OSBPL5: variants seen among roughly 807,000 people sequenced by gnomAD.
The protein encoded by OSBPL5 is oxysterol-binding protein-related protein 5.
Under a neutral mutation model 111.2 loss-of-function variants are expected in OSBPL5, and 71 were observed. The observed-to-expected ratio is 0.64, with a 90% CI of 0.53 to 0.78. The LOEUF (loss-of-function observed/expected upper bound fraction) is 0.78. Among genes scored for constraint, OSBPL5 ranks in the 30% least tolerant of loss-of-function variants. The pLI is 0.00. For missense variants in OSBPL5, 1,210 were observed against 1,189.3 expected (o/e 1.02, Z -0.26); for synonymous variants, 549 against 513.9 (o/e 1.07, Z -0.93).
At chr11:3,120,670 A>G (rs1402662187) in intron 5 of OSBPL5, 46 bp from the exon 6 acceptor site, 10 of 1,596,028 alleles carry the variant, frequency 6.3e-6, no homozygotes, top group East Asian at 2.2e-5. Flanking sequence ...TGGGGCCGCC[A>G]TCCCTGGGGC....
At chr11:3,111,039 C>A (rs1037122073) in intron 7 of OSBPL5, among the ~76,000 whole-genome samples, 5 of 152,072 alleles carry the variant, frequency 3.3e-5, no homozygotes, top group Admixed American at 3.3e-4. Flanking sequence ...GGAGATGCCC[C>A]TGACTTTTCA....
chr11:3,096,989 G>A (rs1271389632), intron 14 of OSBPL5, among the ~76,000 whole-genome samples: 133 of 107,224 alleles, frequency 1.2e-3, no homozygotes, highest in East Asian at 3.6e-3. Context: ...AAGGTGGGAG[G>A]AGGAGAAGAG....
In OSBPL5 at chr11:3,107,255, G is replaced by C. The variant is rs1857731895; in HGVS notation, c.1059+8C>G. On this transcript the variant is annotated splice_region_variant and intron_variant, in intron 9 of 21. Coordinates refer to ENST00000263650, the MANE Select transcript of OSBPL5 (RefSeq NM_020896.4). The surrounding 1 kb of genome is among the most constrained non-coding windows in gnomAD (Gnocchi z 6.1). ...GACGCTTGGGGCTCCTGGCTGGGGGGCTCTCACCTCCCCCAGCTCCTCCTG... is the reference window on the plus strand; with the variant it reads ...GACGCTTGGGGCTCCTGGCTGGGGGCCTCTCACCTCCCCCAGCTCCTCCTG... 1 of 1,609,886 alleles carries C rather than the reference G, an allele frequency of 6.2e-7. No individual in the cohort carries two copies. The highest frequency in any genetic ancestry group is 2.2e-5 in the East Asian group (1 of 44,790).
intron 14 of OSBPL5, 143 bp from the exon 15 acceptor site, chr11:3,094,477 A>C (rs1857182874): frequency 3.2e-6 from 2 of 627,966 alleles, no homozygotes; most frequent in Non-Finnish European, 5.5e-6. Flanking sequence ...AGTCCCTGGG[A>C]GGGTGAGAAG....
In OSBPL5 at chr11:3,148,510, A is replaced by G. The variant is rs141625300; in HGVS notation, c.-22+16706T>C. ...GAGAGAGGAACGGAGGTGAGTGCGG[A>G]GTCTCTTTCCAGCGGCTGTCCAGGT... On this transcript the variant is annotated intron_variant, in intron 1 of 21. Coordinates refer to ENST00000263650, the MANE Select transcript of OSBPL5 (RefSeq NM_020896.4). Among the ~76,000 whole-genome samples the G allele has an allele frequency of 1.5e-3, 231 of 152,350 alleles. 1 individual carries two copies. The highest frequency in any genetic ancestry group is 5.4e-3 in the African/African-American group (224 of 41,584).
At chr11:3,128,324 T>G (rs1858706816) in intron 2 of OSBPL5, among the ~76,000 whole-genome samples, 1 of 150,974 alleles carries the variant, frequency 6.6e-6, no homozygotes, top group Non-Finnish European at 1.5e-5. Flanking sequence ...TGGGGAGAGG[T>G]CCCCCAGGCA....
intron 13 of OSBPL5, among the ~76,000 whole-genome samples, chr11:3,100,789 C>T (rs554081920): frequency 9.9e-5 from 15 of 152,162 alleles, no homozygotes; most frequent in Admixed American, 6.5e-4. Context: ...AAAGGTACAA[C>T]GGATGGGACG....
chr11:3,100,226 T>G lies in OSBPL5; in HGVS notation c.1553A>C (p.Lys518Thr). ...TCGGTTCAGGAAGGTGAGCGTGGCT[T>G]TGCCGTCCAGCAGCGCCGACAGCGA... ...GNSLSALLDG[K>T]ATLTFLNRAE... Residue 518 changes from lysine (K) to threonine (T), a missense_variant, in exon 14 of 22, where the codon AAA becomes ACA. Physicochemically the swap from Lys to Thr is moderately conservative, Grantham distance 78 (BLOSUM62 -1). Coordinates refer to ENST00000263650, the MANE Select transcript of OSBPL5 (RefSeq NM_020896.4). 6.2e-7 allele frequency: 1 copy of G among 1,614,042 alleles called. No individual in the cohort carries two copies. The highest frequency in any genetic ancestry group is 8.5e-7 in the Non-Finnish European group (1 of 1,179,980).
chr11:3,124,119 T>G (rs1283189591), intron 3 of OSBPL5, among the ~76,000 whole-genome samples: 2 of 152,186 alleles, frequency 1.3e-5, no homozygotes, highest in Non-Finnish European at 2.9e-5. Context: ...CAGGTCATCG[T>G]TGTTATTCTC....
intron 7 of OSBPL5, among the ~76,000 whole-genome samples, chr11:3,108,170 G>A (rs1434159022): frequency 2.0e-5 from 3 of 152,162 alleles, no homozygotes; most frequent in Non-Finnish European, 4.4e-5. Context: ...CCTGAGGATT[G>A]AGGACTTCCC....
chr11:3,103,812 C>T (rs1857576675), intron 10 of OSBPL5, among the ~76,000 whole-genome samples: 1 of 74,580 alleles, frequency 1.3e-5, no homozygotes, highest in Non-Finnish European at 3.0e-5. Flanking sequence ...AGCCCTCTTC[C>T]TGCCTGCGCA....
Position 3,107,449 on chromosome 11 carries a change from G to A in OSBPL5, c.873C>T (p.Asn291=), listed in dbSNP as rs776878132. The part of the protein sequence containing the change: ...VHPDQDLFPL[N]GSSLENDAFS... ...ATGCATCGTTCTCCAGGGAAGACCC[G>A]TTCAGTCTGGAAGGTGGATGGTGCC... Residue 291 remains asparagine (N), a synonymous_variant, in exon 9 of 22, where the codon AAC becomes AAT. Transcript: ENST00000263650. This position sits in a 1 kb window ranked among gnomAD's most constrained non-coding sequence, Gnocchi z 6.1. The A allele has an allele frequency of 2.9e-5, 46 of 1,613,790 alleles. No homozygotes were observed. The highest frequency in any genetic ancestry group is 2.5e-4 in the East Asian group (11 of 44,884).
chr11:3,096,491 C>G (rs1024456695), intron 14 of OSBPL5, among the ~76,000 whole-genome samples: 1 of 151,720 alleles, frequency 6.6e-6, no homozygotes, highest in African/African-American at 2.4e-5. Flanking sequence ...TGGTGGCGCA[C>G]GCATGTAATG....
At chr11:3,134,635 A>C (rs2134494952) in intron 1 of OSBPL5, among the ~76,000 whole-genome samples, 1 of 152,362 alleles carries the variant, frequency 6.6e-6, no homozygotes, top group South Asian at 2.1e-4. Flanking sequence ...AGGCACCAAA[A>C]GGGAACACTT....
chr11:3,093,145 C>A (rs921727069), intron 17 of OSBPL5, 93 bp from the exon 18 acceptor site: 134 of 1,296,766 alleles, frequency 1.0e-4, no homozygotes, highest in Non-Finnish European at 1.1e-4. Context: ...AGAAGGAAGG[C>A]ACAGAGCAAC....
intron 11 of OSBPL5, 50 bp from the exon 12 acceptor site, chr11:3,102,331 C>T (rs1476798291): frequency 3.3e-6 from 5 of 1,526,812 alleles, no homozygotes; most frequent in African/African-American, 1.4e-5. Flanking sequence ...AAGAGGTCCG[C>T]TGTGCAGAGC....
Position 3,110,082 on chromosome 11 carries a change from C to A in OSBPL5, c.692-2137G>T, listed in dbSNP as rs1005928529. On this transcript the variant is annotated intron_variant, in intron 7 of 21. Transcript: ENST00000263650. This position sits in a 1 kb window ranked among gnomAD's most constrained non-coding sequence, Gnocchi z 5.3. ...ATGGGACCTGGCACATAGTGGGGCA[C>A]TCAGGATGGCCCAGGAAGGAGCATG... Among the ~76,000 whole-genome samples the A allele has an allele frequency of 2.0e-5, 3 of 152,178 alleles. No individual in the cohort carries two copies. The highest frequency in any genetic ancestry group is 4.4e-5 in the Non-Finnish European group (3 of 68,028).
At position 3,110,622 on chromosome 11, in the gene OSBPL5, G is replaced by A. The variant is rs1857890608; in HGVS notation, c.692-2677C>T. 6.6e-6 allele frequency among the ~76,000 whole-genome samples: 1 copy of A among 152,112 alleles called. No individual in the cohort carries two copies. Among genetic ancestry groups the A allele is most frequent in the African/African-American group, 2.4e-5 (1 of 41,404 alleles). On this transcript the variant is annotated intron_variant, in intron 7 of 21. Transcript: ENST00000263650. This position sits in a 1 kb window ranked among gnomAD's most constrained non-coding sequence, Gnocchi z 5.3. Reference sequence around the variant, plus strand: ...AAGCTAAAGGGAAAAACCCAAGCTGGGAACTGCTTAGGGCCAACCTGCCTC... The same window carrying A: ...AAGCTAAAGGGAAAAACCCAAGCTGAGAACTGCTTAGGGCCAACCTGCCTC...
chr11:3,147,075 T>A (rs1404450978), intron 1 of OSBPL5, among the ~76,000 whole-genome samples: 2 of 137,274 alleles, frequency 1.5e-5, no homozygotes, highest in African/African-American at 5.4e-5. Flanking sequence ...CCTCACGTCC[T>A]GGGCTTCACT....
Sources: gnomAD v4.1 joint callset for allele counts (sites outside exome capture counted in the v4.1 genomes callset) on GRCh38, gnomAD v4.1.1 for gene constraint, Gnocchi (gnomAD v3.1) non-coding constraint, MANE v1.5 for transcripts, NCBI Gene and HGNC (gene_info 2026-07-23, HGNC 2026-07-21) for gene names.